The following POLRMT variants were observed in gnomAD, a reference collection of about 807,000 sequenced individuals.
POLRMT encodes DNA-directed RNA polymerase, mitochondrial.
In POLRMT, 114 loss-of-function variants were observed where a neutral mutation model predicts 132.2. The ratio of observed to expected loss-of-function variants is 0.86; its 90% CI spans 0.74 to 1.01. The LOEUF (loss-of-function observed/expected upper bound fraction) is 1.01. Ranked by LOEUF, POLRMT falls within the 50% of genes least tolerant of loss-of-function variation. The probability of loss-of-function intolerance (pLI) is 0.00; values close to 1 mark genes in which losing one functional copy is unlikely to be tolerated. For missense variants in POLRMT, 2,003 were observed against 1,729.1 expected (o/e 1.16, Z -2.81); for synonymous variants, 1,020 against 773.4 (o/e 1.32, Z -5.29).
chr19:631,114 G>C (rs1164338931), intron 2 of POLRMT, among the ~76,000 whole-genome samples: 1 of 151,908 alleles, frequency 6.6e-6, no homozygotes, highest in Non-Finnish European at 1.5e-5. Flanking sequence ...ACTCAAGATA[G>C]CGCCATTGAA....
At position 618,495 on chromosome 19, in the gene POLRMT, A is replaced by G; in HGVS notation, c.3415T>C (p.Cys1139Arg). The part of the protein sequence containing the change: ...SSHMMLTALH[C>R]YRKGLTFVSV... The stretch of plus-strand genomic sequence containing the variant: ...CCGTCCGGAGACGCCCACCTGTAGC[A>G]GTGCAGGGCGGTGAGCATCATGTGG... Residue 1139 changes from cysteine (C) to arginine (R), a missense_variant, in exon 17 of 21, where the codon TGC becomes CGC. Transcript: ENST00000588649. 1.9e-6 allele frequency: 3 copies of G among 1,604,132 alleles called. No individual in the cohort carries two copies. The highest frequency in any genetic ancestry group is 2.6e-6 in the Non-Finnish European group (3 of 1,172,472).
In POLRMT at chr19:622,817, G is replaced by C. The variant is rs779225806; in HGVS notation, c.1455+4C>G. 10 of 1,587,696 alleles carry C rather than the reference G, an allele frequency of 6.3e-6. No individual in the cohort carries two copies. The highest frequency in any genetic ancestry group is 3.6e-5 in the Admixed American group (2 of 56,294). Reference sequence around the variant, plus strand: ...GGGACCCGGCCGCGCGGAGGAAGACGCACCTGCAGGAGCATCCGCACCACC... The same window carrying C: ...GGGACCCGGCCGCGCGGAGGAAGACCCACCTGCAGGAGCATCCGCACCACC... On this transcript the variant is annotated splice_donor_region_variant and intron_variant, in intron 7 of 20. Transcript: ENST00000588649.
chr19:621,827 T>C lies in POLRMT; in HGVS notation c.1871A>G (p.His624Arg). 2 of 1,602,262 alleles carry C rather than the reference T, an allele frequency of 1.2e-6. No individual in the cohort carries two copies. Among genetic ancestry groups the C allele is most frequent in the South Asian group, 1.1e-5 (1 of 91,070 alleles). ...CTCCAGCAGCTGCACGTAGGCCGGG[T>C]GCGGCTTCAGGATGCCGATCTGGGG... ...NVQQIGILKP[H>R]PAYVQLLEKA... Residue 624 changes from histidine (H) to arginine (R), a missense_variant, in exon 10 of 21, where the codon CAC becomes CGC. Physicochemically the swap from His to Arg is conservative, Grantham distance 29. Coordinates refer to ENST00000588649, the MANE Select transcript of POLRMT (RefSeq NM_005035.4).
chr19:620,723 G>A (rs1423590615), intron 10 of POLRMT, among the ~76,000 whole-genome samples: 2 of 147,494 alleles, frequency 1.4e-5, no homozygotes, highest in Non-Finnish European at 3.0e-5. Context: ...AGCTGCCGGG[G>A]GAGGAGGGTG....
At position 630,173 on chromosome 19, in the gene POLRMT, G is replaced by A. The variant is rs201125436; in HGVS notation, c.194-5C>T. The A allele has an allele frequency of 6.3e-7, 1 of 1,582,942 alleles. No homozygotes were observed. Among genetic ancestry groups the A allele is most frequent in the Non-Finnish European group, 8.6e-7 (1 of 1,163,134 alleles). On this transcript the variant is annotated splice_region_variant and splice_polypyrimidine_tract_variant and intron_variant, in intron 2 of 20. Coordinates refer to ENST00000588649, the MANE Select transcript of POLRMT (RefSeq NM_005035.4). ...GCCGCACCCGCGCCTGGAGCACTGTGAGGGGCAGAAGGCGAGGACATGAGA... is the reference window on the plus strand; with the variant it reads ...GCCGCACCCGCGCCTGGAGCACTGTAAGGGGCAGAAGGCGAGGACATGAGA...
chr19:625,334 C>A, intron 3 of POLRMT, 80 bp from the exon 4 acceptor site: 1 of 1,569,258 alleles, frequency 6.4e-7, no homozygotes, highest in Non-Finnish European at 8.7e-7. Flanking sequence ...GACCCCTTCT[C>A]TGTAGCCACC....
At position 625,320 on chromosome 19, in the gene POLRMT, T is replaced by C. The variant is rs1353031164; in HGVS notation, c.823-66A>G. 1.8e-5 allele frequency: 28 copies of C among 1,593,010 alleles called. 1 individual carries two copies. The South Asian group carries it at 3.2e-4, about 18-fold the overall frequency. On this transcript the variant is annotated intron_variant, in intron 3 of 20. Transcript: ENST00000588649. ...CAACCTCCACATCCTCCCTGCTCCC[T>C]GGAGACCCCTTCTCTGTAGCCACCA... is the stretch of plus-strand genomic sequence containing the variant.
rs977684410 is a variant in POLRMT, at chr19:624,860, G to T, written c.999C>A (p.Leu333=). The T allele has an allele frequency of 1.2e-6, 2 of 1,613,122 alleles. No homozygotes were observed. The highest frequency in any genetic ancestry group is 2.2e-5 in the South Asian group (2 of 91,084). The change falls in exon 5 of 21, where the codon CTC becomes CTA. Residue 333 remains leucine (L), a synonymous_variant. Transcript: ENST00000588649. The part of the protein sequence containing the change: ...MSQEGLKLQA[L]FTAVLLSEED... ...CCTCAGACAGCAGAACGGCGGTGAA[G>T]AGTGCCTGCAGCTTCAGCCCCTCCT... is the stretch of plus-strand genomic sequence containing the variant.
intron 11 of POLRMT, 99 bp from the exon 12 acceptor site, chr19:620,179 A>C: frequency 6.7e-7 from 1 of 1,493,192 alleles, no homozygotes; most frequent in Non-Finnish European, 8.9e-7. Context: ...AGGGCCGTGC[A>C]CCCCCCAGCC....
chr19:632,685 G>C, intron 2 of POLRMT, 149 bp downstream of exon 2: 1 of 619,846 alleles, frequency 1.6e-6, no homozygotes, highest in Non-Finnish European at 2.7e-6. Flanking sequence ...CGGTGCAAGA[G>C]ATGTTTCAGC....
chr19:618,937 C>G lies in POLRMT; in HGVS notation c.3267+60G>C, dbSNP rs7252196. The G allele has an allele frequency of 6.3e-6, 9 of 1,427,060 alleles. No homozygotes were observed. In the South Asian group the frequency reaches 1.2e-4, roughly 19 times the overall value. The allele number at this position is 1,427,060 out of a possible 1,614,324, so 88.4% of individuals were successfully genotyped here. A position where few individuals can be genotyped will look rare whatever the true frequency, so the allele number is the denominator to read the frequency against. On this transcript the variant is annotated intron_variant, in intron 15 of 20. Coordinates refer to ENST00000588649, the MANE Select transcript of POLRMT (RefSeq NM_005035.4). ...GGTGGTACGCTGGGGCACTGGTACA[C>G]TGGGACGCTGTTACACTGGGATGGT... is the stretch of plus-strand genomic sequence containing the variant.
chr19:630,211 C>A, intron 2 of POLRMT, 43 bp from the exon 3 acceptor site: 1 of 1,530,260 alleles, frequency 6.5e-7, no homozygotes, highest in South Asian at 1.3e-5. Flanking sequence ...GACCCCCTCC[C>A]CATTCGAGCA....
In POLRMT at chr19:617,812, A is replaced by G. The variant is rs1484184124; in HGVS notation, c.3460T>C (p.Trp1154Arg). The part of the protein sequence containing the change: ...LTFVSVHDCY[W>R]THAADVSVMN... ...ACGGAGACATCAGCTGCGTGAGTCC[A>G]GTAACAGTCGTGCACAGAGACGAAG... Residue 1154 changes from tryptophan (W) to arginine (R), a missense_variant, in exon 18 of 21, where the codon TGG (tryptophan) becomes CGG (arginine). Physicochemically the swap from Trp to Arg is moderately radical, Grantham distance 101. Coordinates refer to ENST00000588649, the MANE Select transcript of POLRMT (RefSeq NM_005035.4). 3.1e-6 allele frequency: 5 copies of G among 1,613,346 alleles called. No homozygotes were observed. The highest frequency in any genetic ancestry group is 4.2e-6 in the Non-Finnish European group (5 of 1,179,918).
intron 3 of POLRMT, chr19:625,504 T>A (rs1036587700): frequency 4.3e-6 from 2 of 464,528 alleles, no homozygotes; most frequent in Non-Finnish European, 7.6e-6. Context: ...GGCAGCTTGT[T>A]AAACCTCCAG....
At position 621,324 on chromosome 19, in the gene POLRMT, G is replaced by T. The variant is rs759201735; in HGVS notation, c.2374C>A (p.Arg792Ser). 2 of 1,593,786 alleles carry T rather than the reference G, an allele frequency of 1.3e-6. No individual in the cohort carries two copies. Among genetic ancestry groups the T allele is most frequent in the South Asian group, 2.2e-5 (2 of 90,202 alleles). The change falls in exon 10 of 21, where the codon CGC becomes AGC. Residue 792 changes from arginine to serine, a missense_variant. Physicochemically the swap from Arg to Ser is moderately radical, Grantham distance 110 (BLOSUM62 -1). Transcript: ENST00000588649. ...ATGTTGTGCGGCAGCCAGAAGACGC[G>T]GTCCCGCAGGTGCTGCGCCAGCGAG... ...RLSLAQHLRD[R>S]VFWLPHNMDF...
chr19:631,046 C>T (rs978282579), intron 2 of POLRMT, among the ~76,000 whole-genome samples: 14 of 151,864 alleles, frequency 9.2e-5, no homozygotes, highest in Admixed American at 9.2e-4. Context: ...ATAGTACCAG[C>T]TACTTGGGAG....
chr19:630,324 C>G (rs1985325779), intron 2 of POLRMT, among the ~76,000 whole-genome samples, 156 bp from the exon 3 acceptor site: 1 of 152,174 alleles, frequency 6.6e-6, no homozygotes, highest in South Asian at 2.1e-4. Context: ...GTTGTAAGGT[C>G]TGCCCGCTGC....
chr19:623,208 A>T (rs1391117643), intron 6 of POLRMT, among the ~76,000 whole-genome samples: 1 of 152,230 alleles, frequency 6.6e-6, no homozygotes, highest in Non-Finnish European at 1.5e-5. Flanking sequence ...AGCACAGGCC[A>T]AGACCCAACC....
intron 5 of POLRMT, 54 bp downstream of exon 5, chr19:624,665 C>A: frequency 6.4e-7 from 1 of 1,562,442 alleles, no homozygotes; most frequent in Non-Finnish European, 8.7e-7. Flanking sequence ...GCTCCAGGAA[C>A]CCCCAAAGGG....
Sources: gnomAD v4.1 joint callset for allele counts (sites outside exome capture counted in the v4.1 genomes callset) on GRCh38, gnomAD v4.1.1 for gene constraint, MANE v1.5 for transcripts, NCBI Gene and HGNC (gene_info 2026-07-23, HGNC 2026-07-21) for gene names.